NCALD: variants seen among roughly 807,000 people sequenced by gnomAD.
NCALD encodes the protein neurocalcin-delta.
A neutral mutation model predicts 18.6 loss-of-function variants in NCALD; 10 were observed. That is an observed-to-expected ratio of 0.54 (90% CI 0.33 to 0.91). NCALD has a LOEUF of 0.91. Ranked by LOEUF, NCALD falls within the 40% of genes least tolerant of loss-of-function variation. The pLI, the probability that NCALD is intolerant of heterozygous loss-of-function variation, is 0.03. For missense variants in NCALD, 184 were observed against 247.6 expected (o/e 0.74, Z 1.72); for synonymous variants, 88 against 87.4 (o/e 1.01, Z -0.04).
intron 1 of NCALD, among the ~76,000 whole-genome samples, chr8:101,747,809 C>T (rs57368614): frequency 0.019 from 2,932 of 151,982 alleles, 104 homozygotes; most frequent in East Asian, 0.11. Context: ...CCTCTCCCTC[C>T]TGGGTTCAAG....
chr8:101,929,841 T>C (rs571684524), intron 2 of NCALD, among the ~76,000 whole-genome samples: 10 of 152,198 alleles, frequency 6.6e-5, no homozygotes, highest in African/African-American at 2.4e-4. Context: ...AGGTCAGGTG[T>C]TCGAGACCAG....
intron 2 of NCALD, among the ~76,000 whole-genome samples, chr8:101,952,813 C>T (rs1042125268): frequency 6.6e-6 from 1 of 152,204 alleles, no homozygotes; most frequent in Non-Finnish European, 1.5e-5. Context: ...CACAGGAGAT[C>T]TGCAGCTTGT....
intron 4 of NCALD, among the ~76,000 whole-genome samples, chr8:101,825,141 G>A (rs1048302291): frequency 6.6e-6 from 1 of 152,180 alleles, no homozygotes; most frequent in African/African-American, 2.4e-5. Context: ...GTCTTCAAAT[G>A]GCAATTCCAA....
intron 1 of NCALD, among the ~76,000 whole-genome samples, chr8:101,733,909 G>A (rs1054789613): frequency 5.3e-5 from 8 of 152,206 alleles, no homozygotes; most frequent in Admixed American, 2.0e-4. Context: ...TTGAAGGTGA[G>A]CTGAAGGCTG....
At chr8:101,786,396 C>T (rs964956277) in intron 1 of NCALD, among the ~76,000 whole-genome samples, 1 of 152,076 alleles carries the variant, frequency 6.6e-6, no homozygotes, top group Non-Finnish European at 1.5e-5. Flanking sequence ...AATAAATGTT[C>T]GCCAATTGAG....
intron 1 of NCALD, among the ~76,000 whole-genome samples, chr8:102,043,415 C>A (rs888282421): frequency 6.6e-6 from 1 of 151,888 alleles, no homozygotes; most frequent in Non-Finnish European, 1.5e-5. Context: ...GCCCTTAACA[C>A]AGCAAGCTTC....
intron 4 of NCALD, among the ~76,000 whole-genome samples, chr8:101,805,354 C>A (rs920773012): frequency 1.3e-5 from 2 of 152,150 alleles, no homozygotes; most frequent in African/African-American, 2.4e-5. Context: ...AGGTAGGACA[C>A]CAGCCTTTCT....
At chr8:101,845,732 C>A (rs895997454) in intron 4 of NCALD, among the ~76,000 whole-genome samples, 7 of 152,152 alleles carry the variant, frequency 4.6e-5, no homozygotes, top group Non-Finnish European at 1.0e-4. Context: ...TTATTGTTAA[C>A]TACAGTCACC....
At chr8:101,760,860 G>C (rs1363692028) in intron 1 of NCALD, among the ~76,000 whole-genome samples, 1 of 151,980 alleles carries the variant, frequency 6.6e-6, no homozygotes, top group Non-Finnish European at 1.5e-5. Context: ...TTTCTTCAAA[G>C]GCATCATAGA....
intron 1 of NCALD, among the ~76,000 whole-genome samples, chr8:101,734,394 T>A (rs1236023849): frequency 2.0e-5 from 3 of 152,200 alleles, no homozygotes; most frequent in Non-Finnish European, 1.5e-5. Flanking sequence ...ATTGGAATTA[T>A]TTGCACAGTT....
chr8:101,784,815 T>C (rs1173475328), intron 1 of NCALD, among the ~76,000 whole-genome samples: 1 of 152,102 alleles, frequency 6.6e-6, no homozygotes, highest in Non-Finnish European at 1.5e-5. Flanking sequence ...AAAATTTTTT[T>C]AATGTGGTAA....
chr8:102,005,271 A>C (rs1162876114), intron 2 of NCALD, among the ~76,000 whole-genome samples: 2 of 152,248 alleles, frequency 1.3e-5, no homozygotes, highest in African/African-American at 4.8e-5. Flanking sequence ...AAGACACATG[A>C]AAAAATGCTC....
intron 1 of NCALD, among the ~76,000 whole-genome samples, chr8:101,789,406 C>A (rs1812366333): frequency 6.6e-6 from 1 of 152,054 alleles, no homozygotes. Context: ...CAAAAACAGA[C>A]ATGTCAAATG....
chr8:101,798,523 G>C (rs776786935), intron 4 of NCALD, among the ~76,000 whole-genome samples: 14 of 152,236 alleles, frequency 9.2e-5, no homozygotes, highest in Non-Finnish European at 1.8e-4. Flanking sequence ...CAAATAAATG[G>C]AGACAGATGC....
At chr8:101,712,587 C>CAAAAAAAAAAAAAAAAAAAAA (rs201729096) in intron 2 of NCALD, among the ~76,000 whole-genome samples, 7 of 78,906 alleles carry the variant, frequency 8.9e-5, no homozygotes, top group African/African-American at 2.6e-4. Flanking sequence ...AAATGGAAAG[C>CAAAAAAAAAAAAAAAAAAAAA]AAAAAAAAAA....
At chr8:101,760,943 CT>C (rs1226534893) in intron 1 of NCALD, among the ~76,000 whole-genome samples, 1 of 145,602 alleles carries the variant, frequency 6.9e-6, no homozygotes, top group Non-Finnish European at 1.5e-5. Flanking sequence ...GAAGTTTTCC[CT>C]TTATAGTTAG....
chr8:101,772,623 G>C (rs1811631004), intron 1 of NCALD, among the ~76,000 whole-genome samples: 3 of 152,174 alleles, frequency 2.0e-5, no homozygotes, highest in Admixed American at 2.0e-4. Flanking sequence ...TTCAGGCTTT[G>C]ATTGCTTTCT....
intron 4 of NCALD, among the ~76,000 whole-genome samples, chr8:101,805,991 A>G (rs908049184): frequency 1.1e-4 from 17 of 152,342 alleles, no homozygotes; most frequent in African/African-American, 4.1e-4. Flanking sequence ...GCTGGGTGTG[A>G]TATCAAATGA....
chr8:101,838,030 T>C (rs898105948), intron 4 of NCALD, among the ~76,000 whole-genome samples: 1 of 152,212 alleles, frequency 6.6e-6, no homozygotes, highest in African/African-American at 2.4e-5. Context: ...ATTGTACTTG[T>C]TGAATGACAG....
Sources: gnomAD v4.1 joint callset for allele counts (sites outside exome capture counted in the v4.1 genomes callset) on GRCh38, gnomAD v4.1.1 for gene constraint, MANE v1.5 for transcripts, NCBI Gene and HGNC (gene_info 2026-07-23, HGNC 2026-07-21) for gene names.